The following ADCY2 variants were observed in gnomAD, a reference collection of about 807,000 sequenced individuals.
The protein encoded by ADCY2 is adenylate cyclase 2.
In ADCY2, 31 loss-of-function variants were observed where a neutral mutation model predicts 125.2. The ratio of observed to expected loss-of-function variants is 0.25; its 90% confidence interval spans 0.19 to 0.33. The LOEUF is 0.33. ADCY2 is among the 10% of genes least tolerant of loss of function. The pLI is 1.00. For missense variants in ADCY2, 904 were observed against 1,418.2 expected (o/e 0.64, Z 5.82); for synonymous variants, 512 against 548.4 (o/e 0.93, Z 0.93).
chr5:7,559,232 TG>T (rs1735631210), intron 3 of ADCY2, among the ~76,000 whole-genome samples: 1 of 152,166 alleles, frequency 6.6e-6, no homozygotes, highest in South Asian at 2.1e-4. Flanking sequence ...GTAGTTTAAC[TG>T]GAATAGCAAT....
At chr5:7,785,943 A>G (rs1034584644) in intron 19 of ADCY2, among the ~76,000 whole-genome samples, 4 of 152,244 alleles carry the variant, frequency 2.6e-5, no homozygotes, top group African/African-American at 9.6e-5. Flanking sequence ...TTGATCCATC[A>G]CCCTCTAATT....
intron 2 of ADCY2, among the ~76,000 whole-genome samples, chr5:7,417,696 C>A (rs1179186103): frequency 6.6e-6 from 1 of 152,230 alleles, no homozygotes; most frequent in African/African-American, 2.4e-5. Flanking sequence ...TCTGTCACTT[C>A]ATAAGGCAAC....
intron 4 of ADCY2, among the ~76,000 whole-genome samples, chr5:7,646,578 GT>G (rs1488548364): frequency 6.6e-6 from 1 of 152,146 alleles, no homozygotes; most frequent in African/African-American, 2.4e-5. Context: ...GAATTATGCA[GT>G]TTAGTACTCT....
chr5:7,667,083 T>C (rs538405675), intron 4 of ADCY2, among the ~76,000 whole-genome samples: 3 of 152,272 alleles, frequency 2.0e-5, no homozygotes, highest in Admixed American at 1.3e-4. Context: ...ACGGCAAGAC[T>C]CATGCTCGGG....
chr5:7,427,552 G>C (rs1051300685), intron 2 of ADCY2, among the ~76,000 whole-genome samples: 2 of 152,078 alleles, frequency 1.3e-5, no homozygotes, highest in Admixed American at 1.3e-4. Flanking sequence ...TTCCCATCAG[G>C]TCCCTCCCAC....
chr5:7,539,328 T>G (rs1734920005), intron 3 of ADCY2, among the ~76,000 whole-genome samples: 1 of 151,674 alleles, frequency 6.6e-6, no homozygotes, highest in African/African-American at 2.4e-5. Flanking sequence ...CCAGTACTTT[T>G]CAAAGGACTA....
At chr5:7,560,524 T>A (rs76729982) in intron 3 of ADCY2, among the ~76,000 whole-genome samples, 3,616 of 152,258 alleles carry the variant, frequency 0.024, 125 homozygotes, top group African/African-American at 0.082. Context: ...TGCATTTTTT[T>A]AATAGTGTTG....
chr5:7,408,278 AT>A (rs1275707847), intron 1 of ADCY2, among the ~76,000 whole-genome samples: 1 of 152,100 alleles, frequency 6.6e-6, no homozygotes, highest in Non-Finnish European at 1.5e-5. Flanking sequence ...TGAACTTGTA[AT>A]TTTCCCACCA....
chr5:7,802,174 AG>A lies in ADCY2; in HGVS notation c.2629-42del, dbSNP rs141627440. On this transcript the variant is annotated intron_variant, in intron 20 of 24. Coordinates refer to ENST00000338316, the MANE Select transcript of ADCY2 (RefSeq NM_020546.3). This position sits in a 1 kb window ranked among gnomAD's most constrained non-coding sequence, Gnocchi z 4.6. ...TTGCCTGTGGAGTGTTTCTGTTTAA[AG>A]GTCAGTCTCCTAGTGATCAGCTCTT... 3.0e-3 allele frequency: 4,756 copies of A among 1,599,684 alleles called. 117 individuals carry two copies. In the African/African-American group the frequency reaches 0.056, roughly 19 times the overall value.
At chr5:7,581,649 C>T (rs914571195) in intron 3 of ADCY2, among the ~76,000 whole-genome samples, 2 of 138,422 alleles carry the variant, frequency 1.4e-5, no homozygotes, top group African/African-American at 5.2e-5. Flanking sequence ...GAATCCCCAT[C>T]TCTACTAAAA....
At chr5:7,665,434 C>T (rs1472706163) in intron 4 of ADCY2, among the ~76,000 whole-genome samples, 2 of 152,170 alleles carry the variant, frequency 1.3e-5, no homozygotes, top group Non-Finnish European at 2.9e-5. Context: ...CACTCTTGCA[C>T]CAGGCTCACA....
At chr5:7,530,251 T>C (rs1416355987) in intron 3 of ADCY2, among the ~76,000 whole-genome samples, 1 of 152,244 alleles carries the variant, frequency 6.6e-6, no homozygotes, top group Non-Finnish European at 1.5e-5. Context: ...TGTATTTTGC[T>C]AAATTTGCAT....
At position 7,787,647 on chromosome 5, in the gene ADCY2, G is replaced by T. The variant is rs193243057; in HGVS notation, c.2470-1995G>T. On this transcript the variant is annotated intron_variant, in intron 19 of 24. Transcript: ENST00000338316. ...TTGCTTGGGAAGGTGATAGATGATT[G>T]ATAGATGGATATAGATAAATAGAAA... Among the ~76,000 whole-genome samples, 424 of 150,998 alleles carry T rather than the reference G, an allele frequency of 2.8e-3. 5 individuals are homozygous for T. Among genetic ancestry groups the T allele is most frequent in the East Asian group, 0.013 (64 of 5,108 alleles).
chr5:7,529,926 A>G (rs892492537), intron 3 of ADCY2, among the ~76,000 whole-genome samples: 1 of 152,130 alleles, frequency 6.6e-6, no homozygotes, highest in African/African-American at 2.4e-5. Flanking sequence ...ATAGCAGGTT[A>G]GCTTCTCCCT....
intron 4 of ADCY2, among the ~76,000 whole-genome samples, chr5:7,678,179 G>A (rs982103999): frequency 6.6e-6 from 1 of 152,108 alleles, no homozygotes; most frequent in African/African-American, 2.4e-5. Context: ...CAGAAAACTT[G>A]CCTTCTTTTC....
intron 2 of ADCY2, among the ~76,000 whole-genome samples, chr5:7,449,183 G>A (rs1280603041): frequency 6.6e-6 from 1 of 152,128 alleles, no homozygotes; most frequent in African/African-American, 2.4e-5. Flanking sequence ...ACTGGTGTGA[G>A]ATGGTATCTC....
intron 18 of ADCY2, among the ~76,000 whole-genome samples, chr5:7,779,454 C>T (rs747217039): frequency 2.0e-5 from 3 of 152,166 alleles, no homozygotes; most frequent in Non-Finnish European, 2.9e-5. Context: ...CACATCAGAT[C>T]GCTCTGAGGT....
chr5:7,647,457 C>T (rs1738939623), intron 4 of ADCY2, among the ~76,000 whole-genome samples: 1 of 152,128 alleles, frequency 6.6e-6, no homozygotes, highest in Admixed American at 6.5e-5. Flanking sequence ...CATGTGGGCC[C>T]TGTGTGCTTG....
chr5:7,720,328 C>A (rs557504007), intron 12 of ADCY2, among the ~76,000 whole-genome samples: 2 of 152,128 alleles, frequency 1.3e-5, no homozygotes, highest in Non-Finnish European at 2.9e-5. Flanking sequence ...ATTCCCAAGT[C>A]AATTGCTGAT....
Sources: allele counts gnomAD v4.1 joint callset (sites outside exome capture counted in the v4.1 genomes callset), GRCh38; gene constraint gnomAD v4.1.1; non-coding constraint Gnocchi (gnomAD v3.1); transcripts MANE v1.5; gene names NCBI Gene and HGNC (gene_info 2026-07-23, HGNC 2026-07-21).